Variants in PLXDC2 observed in about 807,000 individuals in gnomAD.
PLXDC2 encodes plexin domain containing 2, also known as plexin domain-containing protein 2.
In PLXDC2, 40 loss-of-function variants were observed where a neutral mutation model predicts 68.9. The ratio of observed to expected loss-of-function variants is 0.58; its 90% CI spans 0.45 to 0.76. The LOEUF is 0.76. PLXDC2 is among the 30% of genes least tolerant of loss of function. PLXDC2 has a pLI of 0.00. For missense variants in PLXDC2, 644 were observed against 661.9 expected (o/e 0.97, Z 0.30); for synonymous variants, 243 against 234.2 (o/e 1.04, Z -0.34).
intron 4 of PLXDC2, among the ~76,000 whole-genome samples, chr10:20,127,393 T>C (rs1833807844): frequency 6.6e-6 from 1 of 152,166 alleles, no homozygotes; most frequent in Non-Finnish European, 1.5e-5. Flanking sequence ...GTTGGGAAAG[T>C]GTAATTATTT....
chr10:19,985,083 G>C (rs556992109), intron 1 of PLXDC2, among the ~76,000 whole-genome samples: 2 of 152,276 alleles, frequency 1.3e-5, no homozygotes, highest in South Asian at 2.1e-4. Context: ...CTTATTTTCT[G>C]TTTAGGAAAC....
Position 20,288,155 on chromosome 10 carries a change from C to A in PLXDC2, c.*8336C>A, listed in dbSNP as rs1192856126. The A allele has an allele frequency of 6.6e-6, 1 of 152,146 alleles. No homozygotes were observed. The highest frequency in any genetic ancestry group is 1.5e-5 in the Non-Finnish European group (1 of 68,048). 9.4% of individuals were successfully genotyped at this position (152,146 alleles called of 1,614,324 possible). On this transcript the variant is annotated 3_prime_UTR_variant, in exon 14 of 14. Coordinates refer to ENST00000377252, the MANE Select transcript of PLXDC2 (RefSeq NM_032812.9). ...GAAAATCTGGCCCTATGAACCTAGT[C>A]AACCCCAAGCAAAAAGAATGACTAT...
At chr10:20,202,908 T>C (rs561829056) in intron 9 of PLXDC2, among the ~76,000 whole-genome samples, 1 of 152,266 alleles carries the variant, frequency 6.6e-6, no homozygotes, top group South Asian at 2.1e-4. Flanking sequence ...TGCATCGCAA[T>C]TTCAACTTGT....
intron 13 of PLXDC2, among the ~76,000 whole-genome samples, chr10:20,269,927 A>G (rs1835914352): frequency 6.6e-6 from 1 of 152,138 alleles, no homozygotes; most frequent in South Asian, 2.1e-4. Context: ...CTGAGGCAGG[A>G]GAATCTCTTG....
At chr10:19,967,029 C>T (rs572729016) in intron 1 of PLXDC2, among the ~76,000 whole-genome samples, 2 of 152,238 alleles carry the variant, frequency 1.3e-5, no homozygotes, top group South Asian at 2.1e-4. Flanking sequence ...AACCTCATGG[C>T]GAGACTTGTT....
chr10:20,000,572 A>G (rs577371162), intron 1 of PLXDC2, among the ~76,000 whole-genome samples: 64 of 152,238 alleles, frequency 4.2e-4, no homozygotes, highest in African/African-American at 1.5e-3. Context: ...TCTTTGGTTT[A>G]CTGTGAAACC....
intron 6 of PLXDC2, among the ~76,000 whole-genome samples, chr10:20,162,066 GAGAGAGAAGGAA>G (rs1834303626): frequency 1.7e-5 from 1 of 57,258 alleles, no homozygotes; most frequent in African/African-American, 6.0e-5. Flanking sequence ...GAGAGAGAGA[GAGAGAGAAGGAA>G]GGAAGGAAGG....
chr10:19,952,703 C>A (rs1834009193), intron 1 of PLXDC2, among the ~76,000 whole-genome samples: 1 of 151,964 alleles, frequency 6.6e-6, no homozygotes, highest in African/African-American at 2.4e-5. Flanking sequence ...TGGATATGTA[C>A]CTATTTAAAA....
At chr10:19,906,235 G>T (rs1345377873) in intron 1 of PLXDC2, among the ~76,000 whole-genome samples, 1 of 152,024 alleles carries the variant, frequency 6.6e-6, no homozygotes, top group African/African-American at 2.4e-5. Flanking sequence ...TATTATTCAG[G>T]CACAGGGTGG....
chr10:20,094,075 A>T lies in PLXDC2; in HGVS notation c.541+25836A>T, dbSNP rs377343031. Reference sequence around the variant, plus strand: ...GTACAAATGGCTTTAACAAAAATTTAAAATACATGGATAAAACTTAGGAAT... The same window carrying T: ...GTACAAATGGCTTTAACAAAAATTTTAAATACATGGATAAAACTTAGGAAT... On this transcript the variant is annotated intron_variant, in intron 4 of 13. Transcript: ENST00000377252. Among the ~76,000 whole-genome samples, 35 of 152,350 alleles carry T rather than the reference A, an allele frequency of 2.3e-4. No individual in the cohort carries two copies. The East Asian group carries it at 5.0e-3, about 22-fold the overall frequency.
chr10:20,015,071 C>A (rs554586332), intron 2 of PLXDC2, among the ~76,000 whole-genome samples: 2 of 152,162 alleles, frequency 1.3e-5, no homozygotes, highest in Non-Finnish European at 2.9e-5. Context: ...AGTGAGTTGA[C>A]AGCAGGGAAT....
intron 13 of PLXDC2, among the ~76,000 whole-genome samples, chr10:20,256,286 T>C (rs1040459197): frequency 6.6e-6 from 1 of 150,878 alleles, no homozygotes; most frequent in African/African-American, 2.4e-5. Flanking sequence ...GCGCCCACCA[T>C]GACACCTGGC....
chr10:19,867,985 CA>C (rs1326061461), intron 1 of PLXDC2, among the ~76,000 whole-genome samples: 1 of 152,138 alleles, frequency 6.6e-6, no homozygotes, highest in Non-Finnish European at 1.5e-5. Context: ...TAGGTTTAAA[CA>C]AGTCATTTGT....
chr10:20,208,720 G>A (rs775838544), intron 9 of PLXDC2, among the ~76,000 whole-genome samples: 5 of 152,012 alleles, frequency 3.3e-5, no homozygotes, highest in African/African-American at 4.8e-5. Flanking sequence ...AGTATCGGGG[G>A]AAATTCAGCC....
At chr10:20,150,896 T>C (rs1403864699) in intron 6 of PLXDC2, among the ~76,000 whole-genome samples, 2 of 152,190 alleles carry the variant, frequency 1.3e-5, no homozygotes, top group Non-Finnish European at 2.9e-5. Flanking sequence ...AAAGTTCCAC[T>C]ATGGTTTTCC....
chr10:19,928,703 G>T (rs1468422388), intron 1 of PLXDC2, among the ~76,000 whole-genome samples: 5 of 148,998 alleles, frequency 3.4e-5, no homozygotes, highest in Non-Finnish European at 5.9e-5. Flanking sequence ...TAGAGATCTT[G>T]TCTGTGCTAG....
intron 9 of PLXDC2, among the ~76,000 whole-genome samples, chr10:20,194,190 CTGTGTGTGTG>C (rs58142621): frequency 8.8e-4 from 126 of 143,638 alleles, no homozygotes; most frequent in Middle Eastern, 3.5e-3. Context: ...TTGAACTCAG[CTGTGTGTGTG>C]TGTGTGTGTG....
chr10:20,219,339 T>C (rs1835181435), intron 12 of PLXDC2, among the ~76,000 whole-genome samples: 1 of 152,174 alleles, frequency 6.6e-6, no homozygotes, highest in African/African-American at 2.4e-5. Context: ...AGTGGAAAAT[T>C]CAACCACACA....
chr10:20,047,644 A>G (rs948821081), intron 3 of PLXDC2, among the ~76,000 whole-genome samples: 2 of 152,154 alleles, frequency 1.3e-5, no homozygotes, highest in African/African-American at 4.8e-5. Flanking sequence ...GAGAAGGAAT[A>G]TTAATACCAG....
Sources: allele counts gnomAD v4.1 joint callset (sites outside exome capture counted in the v4.1 genomes callset), GRCh38; gene constraint gnomAD v4.1.1; transcripts MANE v1.5; gene names NCBI Gene and HGNC (gene_info 2026-07-23, HGNC 2026-07-21).